The following NOL4 variants were observed in gnomAD, a reference collection of about 807,000 sequenced individuals.
NOL4 encodes cancer/testis antigen 125.
A neutral mutation model predicts 75.9 loss-of-function variants in NOL4; 17 were observed. The observed-to-expected ratio is 0.22, with a 90% CI of 0.15 to 0.34. The LOEUF (loss-of-function observed/expected upper bound fraction) is 0.34, where lower values mean the gene tolerates loss of function less well. Among genes scored for constraint, NOL4 ranks in the 10% least tolerant of loss-of-function variants. The pLI is 1.00. For synonymous variants in NOL4, 292 were observed against 289.9 expected (o/e 1.01, Z -0.07); for missense variants, 614 against 793.5 (o/e 0.77, Z 2.72).
At chr18:33,984,440 A>T (rs564365507) in intron 6 of NOL4, among the ~76,000 whole-genome samples, 248 of 152,196 alleles carry the variant, frequency 1.6e-3, no homozygotes, top group African/African-American at 5.6e-3. Context: ...CATGTTCAAT[A>T]ATAATCCCCA....
intron 2 of NOL4, chr18:34,128,823 A>C: frequency 2.1e-6 from 2 of 934,836 alleles, no homozygotes; most frequent in Non-Finnish European, 2.6e-6. Context: ...TCTTATGCTC[A>C]GTAGCTAATT....
At chr18:34,198,068 C>T (rs2035463998) in intron 1 of NOL4, among the ~76,000 whole-genome samples, 1 of 151,874 alleles carries the variant, frequency 6.6e-6, no homozygotes, top group Non-Finnish European at 1.5e-5. Context: ...AGTCATGTCA[C>T]AGTGAAACTG....
intron 9 of NOL4, among the ~76,000 whole-genome samples, chr18:33,896,960 C>T (rs2065448452): frequency 6.6e-6 from 1 of 151,876 alleles, no homozygotes. Context: ...AAAAGACATG[C>T]ACAGACACTT....
intron 2 of NOL4, among the ~76,000 whole-genome samples, chr18:34,105,798 C>T (rs1355797929): frequency 6.6e-6 from 1 of 151,986 alleles, no homozygotes; most frequent in East Asian, 1.9e-4. Context: ...CTCACACTGA[C>T]TGTCAGAGCA....
chr18:33,882,876 A>G (rs528320531), intron 10 of NOL4, among the ~76,000 whole-genome samples: 2,892 of 152,080 alleles, frequency 0.019, 41 homozygotes, highest in Middle Eastern at 0.051. Flanking sequence ...CTATGCAGCC[A>G]TAAAAAATGA....
chr18:33,955,769 A>G (rs188530854), intron 8 of NOL4, among the ~76,000 whole-genome samples: 5 of 152,274 alleles, frequency 3.3e-5, no homozygotes, highest in Admixed American at 2.6e-4. Flanking sequence ...AATGACCTTG[A>G]CAATACAAAA....
At position 34,222,972 on chromosome 18, in the gene NOL4, G is replaced by A. The variant is rs760611339; in HGVS notation, c.264+18C>T. On this transcript the variant is annotated intron_variant, in intron 1 of 10. Transcript: ENST00000261592. ...GCTGCTCCGGCAGACAAATAACAGA[G>A]GAAGGCGAGTCACTCACCGTGGTCT... 21 of 1,602,184 alleles carry A rather than the reference G, an allele frequency of 1.3e-5. No individual in the cohort carries two copies. Among genetic ancestry groups the A allele is most frequent in the South Asian group, 5.5e-5 (5 of 91,042 alleles).
chr18:34,181,316 T>G (rs1239505595), intron 1 of NOL4, among the ~76,000 whole-genome samples: 2 of 151,602 alleles, frequency 1.3e-5, no homozygotes, highest in African/African-American at 4.8e-5. Flanking sequence ...CAATTCACTC[T>G]GGTAAATAAT....
chr18:34,130,157 A>G (rs2080573393), intron 1 of NOL4, 137 bp from the exon 2 acceptor site: 2 of 756,970 alleles, frequency 2.6e-6, no homozygotes, highest in South Asian at 8.6e-5. Flanking sequence ...AAATTCATGA[A>G]TGAATATTTC....
chr18:33,924,383 T>G (rs2067208841), intron 9 of NOL4, among the ~76,000 whole-genome samples: 1 of 152,220 alleles, frequency 6.6e-6, no homozygotes. Context: ...GCTAAAACTG[T>G]GTTTAATATG....
chr18:33,944,677 G>GA (rs1232699891), intron 8 of NOL4, among the ~76,000 whole-genome samples: 3 of 151,802 alleles, frequency 2.0e-5, no homozygotes, highest in South Asian at 2.1e-4. Context: ...TGGGTGGCAG[G>GA]AAAAAAATGC....
intron 1 of NOL4, among the ~76,000 whole-genome samples, chr18:34,169,373 C>T (rs1353700739): frequency 6.7e-6 from 1 of 150,274 alleles, no homozygotes; most frequent in Non-Finnish European, 1.5e-5. Flanking sequence ...AATAAGTATA[C>T]TGTAAACCCT....
chr18:33,913,967 T>TA (rs139906996), intron 9 of NOL4, among the ~76,000 whole-genome samples: 2,946 of 152,258 alleles, frequency 0.019, 42 homozygotes, highest in Middle Eastern at 0.051. Flanking sequence ...GTGTGCTTGG[T>TA]AATGACCCAG....
chr18:33,871,264 T>G (rs1044463153), intron 10 of NOL4, among the ~76,000 whole-genome samples: 4 of 151,978 alleles, frequency 2.6e-5, no homozygotes, highest in Non-Finnish European at 5.9e-5. Flanking sequence ...TTGGAATGAT[T>G]CAAGTAGACA....
At chr18:34,132,222 C>A (rs932417119) in intron 1 of NOL4, among the ~76,000 whole-genome samples, 21 of 152,144 alleles carry the variant, frequency 1.4e-4, no homozygotes, top group African/African-American at 5.1e-4. Context: ...TCAGATAATC[C>A]AAAGTAATCT....
intron 4 of NOL4, among the ~76,000 whole-genome samples, chr18:34,098,566 T>C (rs1029279580): frequency 3.3e-5 from 5 of 152,166 alleles, no homozygotes; most frequent in Non-Finnish European, 4.4e-5. Context: ...GCTTAACCCA[T>C]AGAATAATGA....
At chr18:34,107,215 A>T (rs1204014652) in intron 2 of NOL4, among the ~76,000 whole-genome samples, 1 of 152,098 alleles carries the variant, frequency 6.6e-6, no homozygotes, top group Non-Finnish European at 1.5e-5. Context: ...TTAGCCCCAA[A>T]TCAATTTTTC....
intron 4 of NOL4, among the ~76,000 whole-genome samples, chr18:34,095,574 A>G (rs1417932591): frequency 6.6e-6 from 1 of 152,112 alleles, no homozygotes; most frequent in Non-Finnish European, 1.5e-5. Context: ...CTTTATCTAT[A>G]CAATGGAAAT....
intron 5 of NOL4, among the ~76,000 whole-genome samples, chr18:34,037,638 G>T (rs1264797357): frequency 6.6e-6 from 1 of 151,930 alleles, no homozygotes; most frequent in Non-Finnish European, 1.5e-5. Flanking sequence ...ATTTGACAAA[G>T]ATACAAAGAA....
Sources: allele counts gnomAD v4.1 joint callset (sites outside exome capture counted in the v4.1 genomes callset), GRCh38; gene constraint gnomAD v4.1.1; transcripts MANE v1.5; gene names NCBI Gene and HGNC (gene_info 2026-07-23, HGNC 2026-07-21).